Variants in TRPM3 observed in about 807,000 individuals in gnomAD.
The protein encoded by TRPM3 is long transient receptor potential channel 3.
TRPM3 carries 77 observed loss-of-function variants against 181.2 expected under a neutral mutation model. That is an observed-to-expected ratio of 0.42 (90% CI 0.35 to 0.51). The LOEUF (loss-of-function observed/expected upper bound fraction) is 0.51. Among genes scored for constraint, TRPM3 ranks in the 20% least tolerant of loss-of-function variants. The pLI is 0.01. For synonymous variants in TRPM3, 745 were observed against 796.4 expected, an observed-to-expected ratio of 0.94 and a Z score of 1.09; for missense variants, 1,759 against 2,196.7, an observed-to-expected ratio of 0.80 and a Z score of 3.98.
chr9:71,363,949 A>T (rs1200798398), intron 1 of TRPM3, among the ~76,000 whole-genome samples: 3 of 152,208 alleles, frequency 2.0e-5, no homozygotes, highest in African/African-American at 7.2e-5. Context: ...AATGTACAAA[A>T]ATCGTTACAA....
At chr9:71,092,910 G>T (rs1211055332) in intron 1 of TRPM3, among the ~76,000 whole-genome samples, 1 of 152,022 alleles carries the variant, frequency 6.6e-6, no homozygotes, top group Non-Finnish European at 1.5e-5. Context: ...ATAGACCAAT[G>T]GAATAGAACA....
At chr9:70,920,990 T>C (rs373468378) in intron 1 of TRPM3, among the ~76,000 whole-genome samples, 2 of 152,318 alleles carry the variant, frequency 1.3e-5, no homozygotes, top group African/African-American at 2.4e-5. Context: ...GGTGTCTATA[T>C]ATCTTTTTTA....
At position 71,020,576 on chromosome 9, in the gene TRPM3, G is replaced by C. The variant is rs548999163; in HGVS notation, c.177+100602C>G. ...TTGCAAAACACATAAGCAGTAAATGGATTTACATCCAGAATATACAAAGAA... is the reference window on the plus strand; with the variant it reads ...TTGCAAAACACATAAGCAGTAAATGCATTTACATCCAGAATATACAAAGAA... On this transcript the variant is annotated intron_variant, in intron 1 of 25. Transcript: ENST00000677713. 7.9e-5 allele frequency among the ~76,000 whole-genome samples: 12 copies of C among 152,056 alleles called. No homozygotes were observed. The South Asian group carries it at 1.0e-3, about 13-fold the overall frequency.
At position 70,981,946 on chromosome 9, in the gene TRPM3, G is replaced by T. The variant is rs1053921684; in HGVS notation, c.178-117435C>A. Among the ~76,000 whole-genome samples, 6 of 152,212 alleles carry T rather than the reference G, an allele frequency of 3.9e-5. No individual in the cohort carries two copies. The South Asian group carries it at 1.2e-3, about 32-fold the overall frequency. ...CTTAGGAGGTTTATAAAATGTTCTC[G>T]AGCAGATGGATTCTAAAGTGCCTTG... On this transcript the variant is annotated intron_variant, in intron 1 of 25. Transcript: ENST00000677713.
At chr9:71,410,868 A>C (rs1424341350) in intron 1 of TRPM3, among the ~76,000 whole-genome samples, 2 of 152,196 alleles carry the variant, frequency 1.3e-5, no homozygotes, top group African/African-American at 4.8e-5. Context: ...ATACTGGCAA[A>C]CCGAATCCAA....
chr9:70,755,056 A>T (rs929494508), intron 8 of TRPM3, among the ~76,000 whole-genome samples: 1 of 152,184 alleles, frequency 6.6e-6, no homozygotes, highest in Admixed American at 6.6e-5. Flanking sequence ...AATTATAGTT[A>T]TACTGTAATT....
intron 1 of TRPM3, among the ~76,000 whole-genome samples, chr9:71,105,422 G>A (rs907104773): frequency 4.6e-5 from 7 of 152,170 alleles, no homozygotes; most frequent in African/African-American, 1.7e-4. Flanking sequence ...GTGGTTAGGA[G>A]GCAGAAGACG....
intron 25 of TRPM3, 49 bp downstream of exon 25, chr9:70,549,493 A>G: frequency 6.4e-7 from 1 of 1,567,814 alleles, no homozygotes; most frequent in Non-Finnish European, 8.6e-7. Context: ...TGGATAAAGC[A>G]TGCCTTGGCA....
intron 12 of TRPM3, among the ~76,000 whole-genome samples, chr9:70,628,242 C>T (rs1309638474): frequency 6.6e-6 from 1 of 152,172 alleles, no homozygotes; most frequent in African/African-American, 2.4e-5. Flanking sequence ...ATGGGGATGA[C>T]CGCCCGAGGA....
chr9:71,173,624 G>T (rs2076969940), intron 1 of TRPM3, among the ~76,000 whole-genome samples: 2 of 152,200 alleles, frequency 1.3e-5, no homozygotes, highest in South Asian at 2.1e-4. Flanking sequence ...ATTCCTCATG[G>T]AAAATTTCAC....
intron 1 of TRPM3, among the ~76,000 whole-genome samples, chr9:71,281,848 G>C (rs1052593915): frequency 2.0e-5 from 3 of 152,124 alleles, no homozygotes; most frequent in Admixed American, 2.0e-4. Flanking sequence ...GATCACCTGA[G>C]ATTGGAAGTT....
intron 19 of TRPM3, among the ~76,000 whole-genome samples, chr9:70,608,395 A>C (rs1235938155): frequency 6.6e-6 from 1 of 152,216 alleles, no homozygotes; most frequent in East Asian, 1.9e-4. Flanking sequence ...AAAATGTAAA[A>C]ACCATTCTCA....
At chr9:71,134,053 A>T (rs1158267185) in intron 1 of TRPM3, among the ~76,000 whole-genome samples, 1 of 150,632 alleles carries the variant, frequency 6.6e-6, no homozygotes, top group African/African-American at 2.4e-5. Flanking sequence ...TTGCATCTCA[A>T]TCTCTCTCTC....
intron 1 of TRPM3, among the ~76,000 whole-genome samples, chr9:71,130,603 CA>C (rs2074310035): frequency 6.6e-6 from 1 of 152,046 alleles, no homozygotes; most frequent in Non-Finnish European, 1.5e-5. Flanking sequence ...ATGAAGGTAC[CA>C]AAGATGAATT....
chr9:71,351,110 G>A (rs1372006452), intron 1 of TRPM3, among the ~76,000 whole-genome samples: 1 of 152,172 alleles, frequency 6.6e-6, no homozygotes, highest in African/African-American at 2.4e-5. Flanking sequence ...TGAACCTGAT[G>A]AGCTGTCCTG....
At chr9:71,099,295 T>C (rs370767914) in intron 1 of TRPM3, among the ~76,000 whole-genome samples, 6 of 152,230 alleles carry the variant, frequency 3.9e-5, no homozygotes, top group African/African-American at 1.4e-4. Context: ...TCAGGAGGGC[T>C]CTTTCTTTAT....
intron 1 of TRPM3, among the ~76,000 whole-genome samples, chr9:71,439,373 T>C (rs755831778): frequency 6.6e-6 from 1 of 152,246 alleles, no homozygotes; most frequent in African/African-American, 2.4e-5. Context: ...ATTCAGTGAA[T>C]AGCTCTGACC....
rs748181374 is a variant in TRPM3, at chr9:70,846,432, T to A, written c.622A>T (p.Ile208Phe). Residue 208 changes from isoleucine to phenylalanine, a missense_variant, in exon 4 of 26, where the codon ATC becomes TTC. This residue lies in a region of TRPM3 where 737 missense variants were observed against 957.4 expected (regional missense o/e 0.77). Coordinates refer to ENST00000677713, the MANE Select transcript of TRPM3 (RefSeq NM_001366145.2). ...GCTCCAGTTGTCATTGCTGCTTTGATGAGCCCTTTCCCAAAGACTTGCTTG... is the reference window on the plus strand; with the variant it reads ...GCTCCAGTTGTCATTGCTGCTTTGAAGAGCCCTTTCCCAAAGACTTGCTTG... ...KLKQVFGKGLIKAAMTTGAWI... is the reference protein window; with the variant it reads ...KLKQVFGKGLFKAAMTTGAWI... The A allele has an allele frequency of 1.2e-6, 2 of 1,614,210 alleles. No homozygotes were observed. Among genetic ancestry groups the A allele is most frequent in the Non-Finnish European group, 1.7e-6 (2 of 1,180,018 alleles).
intron 1 of TRPM3, among the ~76,000 whole-genome samples, chr9:71,399,686 G>A (rs568704266): frequency 6.3e-4 from 95 of 151,554 alleles, no homozygotes; most frequent in African/African-American, 2.2e-3. Flanking sequence ...CCGCCACCAC[G>A]CCCAGCTAAT....
Sources: allele counts gnomAD v4.1 joint callset (sites outside exome capture counted in the v4.1 genomes callset), GRCh38; gene constraint gnomAD v4.1.1; regional missense constraint gnomAD v4.1.1; transcripts MANE v1.5; gene names NCBI Gene and HGNC (gene_info 2026-07-23, HGNC 2026-07-21).